MYOF: variants seen among roughly 807,000 people sequenced by gnomAD.
MYOF encodes the protein myoferlin.
Under a neutral mutation model 284.2 loss-of-function variants are expected in MYOF, and 244 were observed. The observed-to-expected ratio is 0.86, with a 90% CI of 0.77 to 0.95. MYOF has a LOEUF of 0.95. Among genes scored for constraint, MYOF ranks in the 40% least tolerant of loss-of-function variants. MYOF has a pLI of 0.00. For synonymous variants in MYOF, 904 were observed against 919.7 expected (o/e 0.98, Z 0.31); for missense variants, 2,496 against 2,560.6 (o/e 0.97, Z 0.54).
intron 25 of MYOF, among the ~76,000 whole-genome samples, chr10:93,369,210 G>A (rs1845471610): frequency 1.4e-5 from 2 of 138,406 alleles, no homozygotes; most frequent in Non-Finnish European, 1.5e-5. Context: ...TCTACCCCAA[G>A]TAAGCTTATC....
chr10:93,344,262 C>A (rs1041535628), intron 37 of MYOF, among the ~76,000 whole-genome samples: 2 of 152,112 alleles, frequency 1.3e-5, no homozygotes, highest in African/African-American at 2.4e-5. Flanking sequence ...AAGTGGGGAA[C>A]CGACATTTTT....
chr10:93,363,282 G>A (rs1845162806), intron 27 of MYOF, among the ~76,000 whole-genome samples: 2 of 152,242 alleles, frequency 1.3e-5, no homozygotes, highest in Non-Finnish European at 2.9e-5. Context: ...TCTTTGGGGA[G>A]TGGAATATGG....
In MYOF at chr10:93,399,476, C is replaced by T; in HGVS notation, c.1137G>A (p.Gln379=). Residue 379 remains glutamine, a synonymous_variant, in exon 13 of 54, where the codon CAG becomes CAA. Coordinates refer to ENST00000359263, the MANE Select transcript of MYOF (RefSeq NM_013451.4). ...DIPQMDDAFS[Q]TVKEIFGGNA... The stretch of plus-strand genomic sequence containing the variant: ...TGCCTCCAAATATTTCCTTTACTGT[C>T]TGTGAGAAGGCATCATCCACTGGAA... The T allele has an allele frequency of 1.2e-6, 2 of 1,612,928 alleles. No homozygotes were observed. Among genetic ancestry groups the T allele is most frequent in the South Asian group, 1.1e-5 (1 of 90,982 alleles).
At chr10:93,475,086 G>A (rs1196067038) in intron 1 of MYOF, among the ~76,000 whole-genome samples, 1 of 152,164 alleles carries the variant, frequency 6.6e-6, no homozygotes, top group Non-Finnish European at 1.5e-5. Context: ...GAGCAACTAG[G>A]GATGGCCACT....
chr10:93,321,869 C>T (rs892510200), intron 48 of MYOF, among the ~76,000 whole-genome samples: 6 of 152,070 alleles, frequency 3.9e-5, no homozygotes, highest in South Asian at 2.1e-4. Flanking sequence ...TATTTATGCA[C>T]GATTCATCTT....
At chr10:93,465,533 C>CTTTT (rs753278804) in intron 1 of MYOF, among the ~76,000 whole-genome samples, 2 of 53,224 alleles carry the variant, frequency 3.8e-5, no homozygotes, top group Non-Finnish European at 9.4e-5. Context: ...TCTTTTTTTT[C>CTTTT]TTTTCTTTTT....
At chr10:93,366,612 A>G in intron 25 of MYOF, 57 bp from the exon 26 acceptor site, 1 of 1,437,586 alleles carries the variant, frequency 7.0e-7, no homozygotes, top group Non-Finnish European at 9.5e-7. Flanking sequence ...AAATAAAGCT[A>G]GCACATACAT....
intron 46 of MYOF, among the ~76,000 whole-genome samples, chr10:93,325,470 A>T (rs899378624): frequency 6.6e-6 from 1 of 152,206 alleles, no homozygotes; most frequent in African/African-American, 2.4e-5. Context: ...ATTTAGAAGT[A>T]GATGGGGCTG....
At chr10:93,356,231 C>T (rs535582264) in intron 30 of MYOF, among the ~76,000 whole-genome samples, 4 of 152,266 alleles carry the variant, frequency 2.6e-5, no homozygotes, top group Admixed American at 2.0e-4. Flanking sequence ...TACTGTGCTT[C>T]AGTATGTTCT....
At chr10:93,351,101 A>C in intron 35 of MYOF, 96 bp downstream of exon 35, 1 of 1,350,988 alleles carries the variant, frequency 7.4e-7, no homozygotes, top group Non-Finnish European at 1.0e-6. Context: ...AGATAGCAAG[A>C]AAATATGCAG....
intron 12 of MYOF, among the ~76,000 whole-genome samples, chr10:93,401,190 C>T (rs905643344): frequency 1.3e-5 from 2 of 152,096 alleles, no homozygotes; most frequent in Non-Finnish European, 2.9e-5. Flanking sequence ...GTCAAATGGG[C>T]CAAAGGCAGG....
At chr10:93,457,700 C>T (rs116145585) in intron 1 of MYOF, among the ~76,000 whole-genome samples, 326 of 151,552 alleles carry the variant, frequency 2.2e-3, no homozygotes, top group African/African-American at 6.5e-3. Flanking sequence ...AGCTAATCTT[C>T]GAGTACAAAA....
chr10:93,404,651 A>C (rs897064536), intron 7 of MYOF, among the ~76,000 whole-genome samples: 1 of 151,956 alleles, frequency 6.6e-6, no homozygotes, highest in Admixed American at 6.6e-5. Flanking sequence ...CAAAAAAAAA[A>C]AAAAAAAAAA....
chr10:93,381,151 T>G (rs1846091847), intron 20 of MYOF, 68 bp downstream of exon 20: 2 of 1,519,066 alleles, frequency 1.3e-6, no homozygotes, highest in African/African-American at 1.4e-5. Flanking sequence ...GAAGACACAG[T>G]GCTTGCTTCC....
At chr10:93,349,190 A>G (rs1246191058) in intron 36 of MYOF, among the ~76,000 whole-genome samples, 2 of 152,212 alleles carry the variant, frequency 1.3e-5, no homozygotes, top group Non-Finnish European at 2.9e-5. Context: ...CTGCTTTAAA[A>G]ATGGAAAGAC....
At chr10:93,316,863 G>A (rs757122492) in intron 49 of MYOF, 50 bp from the exon 50 acceptor site, 3 of 1,483,334 alleles carry the variant, frequency 2.0e-6, no homozygotes, top group Non-Finnish European at 2.8e-6. Flanking sequence ...ACTCACCTTT[G>A]GCTCCTTAAG....
chr10:93,438,235 A>T (rs2056127687), intron 3 of MYOF, among the ~76,000 whole-genome samples: 1 of 152,000 alleles, frequency 6.6e-6, no homozygotes, highest in Non-Finnish European at 1.5e-5. Context: ...CTACTTGCCC[A>T]TGCTGTATCT....
intron 3 of MYOF, among the ~76,000 whole-genome samples, chr10:93,435,829 G>A (rs374135410): frequency 6.6e-6 from 1 of 152,088 alleles, no homozygotes; most frequent in East Asian, 1.9e-4. Flanking sequence ...AGTAGCCCCA[G>A]CTACTTGGGA....
At chr10:93,365,908 C>A (rs549349751) in intron 26 of MYOF, among the ~76,000 whole-genome samples, 2 of 152,310 alleles carry the variant, frequency 1.3e-5, no homozygotes, top group Admixed American at 6.5e-5. Flanking sequence ...ATCTGGCCCT[C>A]TTCATGTTAC....
Sources: gnomAD v4.1 joint callset for allele counts (sites outside exome capture counted in the v4.1 genomes callset) on GRCh38, gnomAD v4.1.1 for gene constraint, MANE v1.5 for transcripts, NCBI Gene and HGNC (gene_info 2026-07-23, HGNC 2026-07-21) for gene names.